GGA1: variants seen among roughly 807,000 people sequenced by gnomAD.
GGA1 encodes the protein golgi associated, gamma adaptin ear containing, ARF binding protein 1, also known as ADP-ribosylation factor-binding protein GGA1.
GGA1 carries 18 observed loss-of-function variants against 76.9 expected under a neutral mutation model. The observed-to-expected ratio is 0.23, with a 90% CI of 0.16 to 0.35. The LOEUF is 0.35. Among genes scored for constraint, GGA1 ranks in the 10% least tolerant of loss-of-function variants. The pLI, the probability that GGA1 is intolerant of heterozygous loss-of-function variation, is 1.00. For missense variants in GGA1, 755 were observed against 859.0 expected, an observed-to-expected ratio of 0.88 and a Z score of 1.51; for synonymous variants, 342 against 354.7, an observed-to-expected ratio of 0.96 and a Z score of 0.40.
At chr22:37,611,311 G>C (rs1927529000) in intron 1 of GGA1, among the ~76,000 whole-genome samples, 1 of 152,006 alleles carries the variant, frequency 6.6e-6, no homozygotes, top group Non-Finnish European at 1.5e-5. Context: ...GCTCAGCTCT[G>C]AGAGCCCTCC....
In GGA1 at chr22:37,620,378, G is replaced by C; in HGVS notation, c.427+17G>C. 6.2e-7 allele frequency: 1 copy of C among 1,613,784 alleles called. No homozygotes were observed. The highest frequency in any genetic ancestry group is 8.5e-7 in the Non-Finnish European group (1 of 1,179,870). On this transcript the variant is annotated intron_variant, in intron 5 of 16. Coordinates refer to ENST00000343632, the MANE Select transcript of GGA1 (RefSeq NM_013365.5). The stretch of plus-strand genomic sequence containing the variant: ...AGAAGCAGGGTGAGGCACACAGAGG[G>C]TGGGGGGCGACCAGGGCCTGCCTTC...
Position 37,632,971 on chromosome 22 carries a change from G to A in GGA1, c.*260G>A. On this transcript the variant is annotated 3_prime_UTR_variant, in exon 17 of 17. Transcript: ENST00000343632. The surrounding 1 kb of genome is among the most constrained non-coding windows in gnomAD (Gnocchi z 5.1). Reference sequence around the variant, plus strand: ...CCATCACCGGGACCTGGAGAGGGAGGGGCTGTGTAGCCTTGGAAGAACTTG... The same window carrying A: ...CCATCACCGGGACCTGGAGAGGGAGAGGCTGTGTAGCCTTGGAAGAACTTG... The A allele has an allele frequency of 1.9e-6, 1 of 514,072 alleles. No homozygotes were observed. The highest frequency in any genetic ancestry group is 2.5e-5 in the South Asian group (1 of 40,654). The allele number at this position is 514,072 out of a possible 1,614,324, so 31.8% of individuals were successfully genotyped here. A position where few individuals can be genotyped will look rare whatever the true frequency, so the allele number is the denominator to read the frequency against.
chr22:37,625,927 TGAC>T lies in GGA1; in HGVS notation c.1077_1079del (p.Asp359del), dbSNP rs759044338. ...AGCCCAGTGCCTCAGTTTCCCTGCT[TGAC>T]GACGAGCTCATGTCTCTGGGTGAGG... On this transcript the variant is annotated inframe_deletion, in exon 11 of 17. Coordinates refer to ENST00000343632, the MANE Select transcript of GGA1 (RefSeq NM_013365.5). The surrounding 1 kb of genome is among the most constrained non-coding windows in gnomAD (Gnocchi z 4.1). 6.9e-6 allele frequency: 11 copies of T among 1,597,716 alleles called. No individual in the cohort carries two copies. Among genetic ancestry groups the T allele is most frequent in the Middle Eastern group, 1.7e-4 (1 of 6,018 alleles).
At chr22:37,615,463 T>C (rs1249687740) in intron 2 of GGA1, among the ~76,000 whole-genome samples, 5 of 147,810 alleles carry the variant, frequency 3.4e-5, no homozygotes, top group Non-Finnish European at 7.5e-5. Flanking sequence ...AATAAGTAAA[T>C]AAATAAATAA....
chr22:37,609,098 T>C, intron 1 of GGA1, 195 bp downstream of exon 1: 2 of 1,487,040 alleles, frequency 1.3e-6, no homozygotes, highest in Non-Finnish European at 9.0e-7. Flanking sequence ...GGTCCAGCGG[T>C]GGGAGCGGGC....
intron 2 of GGA1, among the ~76,000 whole-genome samples, chr22:37,616,343 C>T (rs947391231): frequency 6.6e-5 from 10 of 152,276 alleles, no homozygotes; most frequent in African/African-American, 2.4e-4. Context: ...CGGGAATGAC[C>T]GTGCTGCCTG....
chr22:37,619,861 GC>G (rs1158447388), intron 4 of GGA1: 4 of 770,544 alleles, frequency 5.2e-6, no homozygotes, highest in Admixed American at 1.7e-5. Context: ...CGGAGAGTAG[GC>G]CCAGGGCCTC....
chr22:37,633,216 T>C lies in GGA1; in HGVS notation c.*505T>C, dbSNP rs574581379. ...CCTACACCCCCAGCTATTTGCACTC[T>C]GGTGTGTGGTTTGACTCTGCTTTTC... On this transcript the variant is annotated 3_prime_UTR_variant, in exon 17 of 17. Transcript: ENST00000343632. 1 of 154,916 alleles carries C rather than the reference T, an allele frequency of 6.5e-6. No individual in the cohort carries two copies. Among genetic ancestry groups the C allele is most frequent in the African/African-American group, 2.4e-5 (1 of 41,582 alleles). 9.6% of individuals were successfully genotyped at this position (154,916 alleles called of 1,614,324 possible). A position where few individuals can be genotyped will look rare whatever the true frequency, so the allele number is the denominator to read the frequency against.
chr22:37,630,649 C>T, intron 13 of GGA1: 2 of 527,840 alleles, frequency 3.8e-6, no homozygotes, highest in Non-Finnish European at 6.6e-6. Context: ...TCACTGCAAC[C>T]TCCATCTCCC....
At position 37,623,239 on chromosome 22, in the gene GGA1, A is replaced by C; in HGVS notation, c.610-88A>C. 1 of 1,277,478 alleles carries C rather than the reference A, an allele frequency of 7.8e-7. No individual in the cohort carries two copies. The highest frequency in any genetic ancestry group is 1.1e-6 in the Non-Finnish European group (1 of 878,856). The allele number at this position is 1,277,478 out of a possible 1,614,324, so 79.1% of individuals were successfully genotyped here. On this transcript the variant is annotated intron_variant, in intron 7 of 16. Coordinates refer to ENST00000343632, the MANE Select transcript of GGA1 (RefSeq NM_013365.5). The surrounding 1 kb of genome is among the most constrained non-coding windows in gnomAD (Gnocchi z 4.6). Reference sequence around the variant, plus strand: ...CACAGTCACCCAGCTGTCAACCCAGATCCCAGCACACATTCTCTCAAGTGG... The same window carrying C: ...CACAGTCACCCAGCTGTCAACCCAGCTCCCAGCACACATTCTCTCAAGTGG...
intron 5 of GGA1, 150 bp downstream of exon 5, chr22:37,620,511 G>A (rs1929688899): frequency 2.5e-6 from 2 of 806,448 alleles, no homozygotes; most frequent in Non-Finnish European, 4.0e-6. Flanking sequence ...AGCTAGTGCG[G>A]CCTTCTGTGC....
At chr22:37,609,395 G>A (rs1927048062) in intron 1 of GGA1, 2 of 986,834 alleles carry the variant, frequency 2.0e-6, no homozygotes, top group African/African-American at 1.8e-5. Flanking sequence ...GTCCTGGAAG[G>A]GAGGACCCAC....
In GGA1 at chr22:37,618,545, A is replaced by C. The variant is rs1255212810; in HGVS notation, c.302A>C (p.Lys101Thr). 1.3e-6 allele frequency: 2 copies of C among 1,599,044 alleles called. No homozygotes were observed. Among genetic ancestry groups the C allele is most frequent in the African/African-American group, 1.3e-5 (1 of 74,650 alleles). ...LNELIKVVSPKYLGSRTSEKV... is the reference protein window; with the variant it reads ...LNELIKVVSPTYLGSRTSEKV... ...GAGCTCATCAAGGTCGTGTCTCCCAAGGTTGGTGCCCCCAGCCCAAGCTCA... is the reference window on the plus strand; with the variant it reads ...GAGCTCATCAAGGTCGTGTCTCCCACGGTTGGTGCCCCCAGCCCAAGCTCA... Residue 101 changes from lysine to threonine, a missense_variant and splice_region_variant, in exon 4 of 17, where the codon AAG becomes ACG. Lys to Thr is a moderately conservative substitution (Grantham distance 78). Coordinates refer to ENST00000343632, the MANE Select transcript of GGA1 (RefSeq NM_013365.5).
At chr22:37,609,300 C>G in intron 1 of GGA1, 1 of 1,116,564 alleles carries the variant, frequency 9.0e-7, no homozygotes, top group Non-Finnish European at 1.1e-6. Flanking sequence ...AGGGACCCTA[C>G]TATTTTCAGG....
chr22:37,627,533 C>T (rs1489837389), intron 11 of GGA1, among the ~76,000 whole-genome samples: 2 of 152,162 alleles, frequency 1.3e-5, no homozygotes, highest in African/African-American at 2.4e-5. Context: ...GGGACAGGAA[C>T]GTTCATACAA....
intron 2 of GGA1, among the ~76,000 whole-genome samples, chr22:37,614,489 A>AGGACTC (rs1198661969): frequency 1.3e-5 from 2 of 152,206 alleles, no homozygotes; most frequent in Non-Finnish European, 2.9e-5. Context: ...CAAGGCTCAG[A>AGGACTC]GGACTCAGAT....
intron 6 of GGA1, 59 bp from the exon 7 acceptor site, chr22:37,621,555 CCA>C (rs1456358629): frequency 9.5e-7 from 1 of 1,056,948 alleles, no homozygotes; most frequent in East Asian, 2.6e-5. Context: ...TCATGTGACT[CCA>C]GTCTTCTGAC....
chr22:37,617,086 C>T, intron 3 of GGA1, 89 bp downstream of exon 3: 1 of 1,547,734 alleles, frequency 6.5e-7, no homozygotes, highest in Non-Finnish European at 8.7e-7. Context: ...CCATAAGGCT[C>T]TTCAGAGCCC....
intron 6 of GGA1, among the ~76,000 whole-genome samples, chr22:37,621,341 T>C (rs1376920252): frequency 3.9e-5 from 6 of 152,190 alleles, no homozygotes; most frequent in African/African-American, 1.4e-4. Flanking sequence ...TTCTTGTACA[T>C]TGTCCCAGAA....
Sources: allele counts gnomAD v4.1 joint callset (sites outside exome capture counted in the v4.1 genomes callset), GRCh38; gene constraint gnomAD v4.1.1; non-coding constraint Gnocchi (gnomAD v3.1); transcripts MANE v1.5; gene names NCBI Gene and HGNC (gene_info 2026-07-23, HGNC 2026-07-21).